The following ADCY2 variants were observed in gnomAD, a reference collection of about 807,000 sequenced individuals.
ADCY2 encodes the protein adenylate cyclase 2.
A neutral mutation model predicts 125.2 loss-of-function variants in ADCY2; 31 were observed. The observed-to-expected ratio is 0.25, with a 90% CI of 0.19 to 0.33. The LOEUF is 0.33. Ranked by LOEUF, ADCY2 falls within the 10% of genes least tolerant of loss-of-function variation. The pLI is 1.00. For missense variants in ADCY2, 904 were observed against 1,418.2 expected, an observed-to-expected ratio of 0.64 and a Z score of 5.82; for synonymous variants, 512 against 548.4, an observed-to-expected ratio of 0.93 and a Z score of 0.93.
chr5:7,756,909 C>T (rs753547739), intron 15 of ADCY2, among the ~76,000 whole-genome samples: 7 of 152,142 alleles, frequency 4.6e-5, no homozygotes, highest in Non-Finnish European at 7.4e-5. Flanking sequence ...CAAGACCAGA[C>T]GAGACCACAC....
At chr5:7,779,201 T>C (rs1046011917) in intron 18 of ADCY2, among the ~76,000 whole-genome samples, 1 of 152,208 alleles carries the variant, frequency 6.6e-6, no homozygotes, top group Non-Finnish European at 1.5e-5. Flanking sequence ...ACAAGCTTCT[T>C]TTCCTTCTAT....
intron 3 of ADCY2, among the ~76,000 whole-genome samples, chr5:7,603,807 T>C (rs865851504): frequency 1.4e-5 from 2 of 139,052 alleles, no homozygotes; most frequent in African/African-American, 5.7e-5. Context: ...TTTTTTTTTT[T>C]TTCTTTTGTT....
chr5:7,646,834 A>G (rs1202624763), intron 4 of ADCY2, among the ~76,000 whole-genome samples: 2 of 152,206 alleles, frequency 1.3e-5, no homozygotes, highest in Non-Finnish European at 2.9e-5. Context: ...CCAGCAAGGC[A>G]TAGGGTGGAG....
intron 19 of ADCY2, among the ~76,000 whole-genome samples, chr5:7,786,872 G>A (rs760125187): frequency 6.6e-5 from 10 of 152,158 alleles, no homozygotes; most frequent in Non-Finnish European, 1.2e-4. Flanking sequence ...TTCTGTCTAC[G>A]TAGAAAGATG....
intron 23 of ADCY2, 57 bp downstream of exon 23, chr5:7,817,037 G>A: frequency 7.5e-7 from 1 of 1,333,602 alleles, no homozygotes; most frequent in Non-Finnish European, 1.1e-6. Flanking sequence ...GGAATAAGGA[G>A]TAAGTCAGGA....
chr5:7,654,290 G>A (rs76299151), intron 4 of ADCY2: 4 of 373,842 alleles, frequency 1.1e-5, no homozygotes, highest in Non-Finnish European at 2.1e-5. Flanking sequence ...GAGCTCTGGT[G>A]GGGTGGCGGG....
intron 2 of ADCY2, among the ~76,000 whole-genome samples, chr5:7,451,473 A>G (rs1741467536): frequency 6.6e-6 from 1 of 152,226 alleles, no homozygotes; most frequent in African/African-American, 2.4e-5. Flanking sequence ...TGAATGGATG[A>G]GTTGTTTCTT....
intron 2 of ADCY2, among the ~76,000 whole-genome samples, chr5:7,478,761 A>G (rs1249742255): frequency 6.6e-6 from 1 of 152,206 alleles, no homozygotes; most frequent in African/African-American, 2.4e-5. Context: ...ATGATGCATT[A>G]GAATCATCCA....
chr5:7,687,500 C>G (rs993109132), intron 4 of ADCY2, among the ~76,000 whole-genome samples: 1 of 152,022 alleles, frequency 6.6e-6, no homozygotes, highest in African/African-American at 2.4e-5. Flanking sequence ...AGGGTGAGGG[C>G]GTGGGACCAT....
intron 4 of ADCY2, among the ~76,000 whole-genome samples, chr5:7,634,321 G>A (rs1267518191): frequency 3.9e-5 from 6 of 152,140 alleles, no homozygotes; most frequent in Admixed American, 3.9e-4. Context: ...TGAACTTTAG[G>A]GTTTTGTAAA....
At chr5:7,619,849 T>C (rs1024044674) in intron 3 of ADCY2, among the ~76,000 whole-genome samples, 2 of 152,184 alleles carry the variant, frequency 1.3e-5, no homozygotes, top group African/African-American at 4.8e-5. Flanking sequence ...TAAACTATAA[T>C]CAAGTGAATC....
intron 2 of ADCY2, among the ~76,000 whole-genome samples, chr5:7,487,522 C>T (rs1414637652): frequency 6.6e-6 from 1 of 152,180 alleles, no homozygotes; most frequent in African/African-American, 2.4e-5. Flanking sequence ...CCTTTGCCAC[C>T]CAGAGCCTGA....
At chr5:7,675,498 T>G (rs1740092123) in intron 4 of ADCY2, among the ~76,000 whole-genome samples, 1 of 152,210 alleles carries the variant, frequency 6.6e-6, no homozygotes, top group Admixed American at 6.5e-5. Context: ...TGTGCCATCC[T>G]AATTCAGAGA....
At chr5:7,452,594 C>T (rs374630693) in intron 2 of ADCY2, among the ~76,000 whole-genome samples, 1 of 152,096 alleles carries the variant, frequency 6.6e-6, no homozygotes, top group Non-Finnish European at 1.5e-5. Context: ...GATATAACTT[C>T]TTTCCTTTTC....
intron 3 of ADCY2, among the ~76,000 whole-genome samples, chr5:7,619,992 T>C (rs912954420): frequency 6.6e-6 from 1 of 152,200 alleles, no homozygotes; most frequent in Non-Finnish European, 1.5e-5. Context: ...GGAGGAACTT[T>C]CTATAACGAT....
chr5:7,753,029 G>T (rs1186960552), intron 15 of ADCY2, among the ~76,000 whole-genome samples: 4 of 151,318 alleles, frequency 2.6e-5, no homozygotes, highest in Non-Finnish European at 5.9e-5. Flanking sequence ...CTCCTTAGTA[G>T]CTGGGATTAC....
chr5:7,593,204 C>T (rs999290724), intron 3 of ADCY2, among the ~76,000 whole-genome samples: 1 of 152,120 alleles, frequency 6.6e-6, no homozygotes, highest in Non-Finnish European at 1.5e-5. Flanking sequence ...TTCTGGGCTT[C>T]ATCTGGGACT....
At chr5:7,645,914 C>T (rs1351664527) in intron 4 of ADCY2, among the ~76,000 whole-genome samples, 1 of 152,144 alleles carries the variant, frequency 6.6e-6, no homozygotes, top group Admixed American at 6.5e-5. Flanking sequence ...AACAATAAAG[C>T]AAACATCTTA....
intron 4 of ADCY2, among the ~76,000 whole-genome samples, chr5:7,652,860 G>C (rs10043937): frequency 0.011 from 1,732 of 152,232 alleles, 37 homozygotes; most frequent in African/African-American, 0.037. Context: ...AAGACACACT[G>C]ACCTGTCACT....
Sources: gnomAD v4.1 joint callset for allele counts (sites outside exome capture counted in the v4.1 genomes callset) on GRCh38, gnomAD v4.1.1 for gene constraint, MANE v1.5 for transcripts, NCBI Gene and HGNC (gene_info 2026-07-23, HGNC 2026-07-21) for gene names.